SND1: variants seen among roughly 807,000 people sequenced by gnomAD.
The protein encoded by SND1 is staphylococcal nuclease domain-containing protein 1.
In SND1, 38 loss-of-function variants were observed where a neutral mutation model predicts 121.7. That is an observed-to-expected ratio of 0.31 (90% CI 0.24 to 0.41). The LOEUF (loss-of-function observed/expected upper bound fraction) is 0.41, where lower values mean the gene tolerates loss of function less well. Among genes scored for constraint, SND1 ranks in the 10% least tolerant of loss-of-function variants. SND1 has a pLI of 1.00. For synonymous variants in SND1, 401 were observed against 447.4 expected, an observed-to-expected ratio of 0.90 and a Z score of 1.31; for missense variants, 868 against 1,184.6, an observed-to-expected ratio of 0.73 and a Z score of 3.92.
chr7:127,743,388 C>A (rs1796918079), intron 10 of SND1, among the ~76,000 whole-genome samples: 1 of 152,230 alleles, frequency 6.6e-6, no homozygotes, highest in South Asian at 2.1e-4. Context: ...CAGCCCTTGT[C>A]ATTTTGCTGA....
At chr7:127,948,675 A>G (rs1801388840) in intron 15 of SND1, among the ~76,000 whole-genome samples, 1 of 152,244 alleles carries the variant, frequency 6.6e-6, no homozygotes, top group Non-Finnish European at 1.5e-5. Context: ...CTTTGGTGAT[A>G]GCACCAGAGA....
At chr7:128,081,547 T>A in intron 18 of SND1, 46 bp downstream of exon 18, 2 of 1,607,874 alleles carry the variant, frequency 1.2e-6, no homozygotes, top group Non-Finnish European at 1.7e-6. Context: ...TTGGTCCAGC[T>A]GGCGCTGCCT....
Position 127,980,174 on chromosome 7 carries a change from G to A in SND1, c.1670-10773G>A, listed in dbSNP as rs1403938628. Among the ~76,000 whole-genome samples, 7 of 15,284 alleles carry A rather than the reference G, an allele frequency of 4.6e-4. 3 individuals are homozygous for A. In the African/African-American group the frequency reaches 0.011, roughly 24 times the overall value. The allele number at this position is 15,284 out of a possible 152,430, so 10.0% of individuals were successfully genotyped here. A position where few individuals can be genotyped will look rare whatever the true frequency, so the allele number is the denominator to read the frequency against. On this transcript the variant is annotated intron_variant, in intron 15 of 23. Transcript: ENST00000354725. ...GTCGCCCAGGCTGGAGTGCAGTGGC[G>A]CAATCTCGGCTCACTGCATGCTCCG...
chr7:127,879,024 G>A (rs1294233723), intron 12 of SND1, among the ~76,000 whole-genome samples: 4 of 152,076 alleles, frequency 2.6e-5, no homozygotes, highest in Non-Finnish European at 5.9e-5. Flanking sequence ...AAAAACACTG[G>A]GTGGGAAGGG....
chr7:127,935,073 G>C (rs1326327293), intron 15 of SND1, among the ~76,000 whole-genome samples: 2 of 152,142 alleles, frequency 1.3e-5, no homozygotes, highest in African/African-American at 4.8e-5. Flanking sequence ...CTTTTATGCT[G>C]TTTATCAACT....
At chr7:128,061,388 G>A (rs894405429) in intron 16 of SND1, among the ~76,000 whole-genome samples, 3 of 152,174 alleles carry the variant, frequency 2.0e-5, no homozygotes, top group Non-Finnish European at 4.4e-5. Flanking sequence ...ACCATCAAGA[G>A]CCCCTGTCCT....
intron 16 of SND1, chr7:128,031,557 G>A (rs542147200): frequency 3.3e-5 from 5 of 150,918 alleles, no homozygotes; most frequent in African/African-American, 4.8e-5. Context: ...AAAACGGGGG[G>A]TCAGTTCTCC....
intron 15 of SND1, among the ~76,000 whole-genome samples, chr7:127,983,874 TC>T (rs1447274167): frequency 6.6e-6 from 1 of 152,146 alleles, no homozygotes; most frequent in Non-Finnish European, 1.5e-5. Flanking sequence ...CCAGTAGTCA[TC>T]CCCACACTAA....
At chr7:127,772,378 G>A (rs775406856) in intron 10 of SND1, among the ~76,000 whole-genome samples, 12 of 152,122 alleles carry the variant, frequency 7.9e-5, no homozygotes, top group African/African-American at 2.4e-4. Flanking sequence ...TGTAAATAGC[G>A]GTTGTCCCTT....
chr7:127,653,117 T>C (rs1046886282), intron 1 of SND1, among the ~76,000 whole-genome samples: 2 of 152,312 alleles, frequency 1.3e-5, no homozygotes, highest in Non-Finnish European at 1.5e-5. Context: ...GTGGTTTGGG[T>C]TGGAGCCATA....
In SND1 at chr7:128,085,827, GC is replaced by G. The variant is rs1184303137; in HGVS notation, c.2304+52del. Reference sequence around the variant, plus strand: ...GTTGGAGGGGCTATCAAACACAGCAGCCCCCGAGTCAAATCCATCTGATCTC... The same window carrying G: ...GTTGGAGGGGCTATCAAACACAGCAGCCCCGAGTCAAATCCATCTGATCTC... On this transcript the variant is annotated intron_variant, in intron 20 of 23. Coordinates refer to ENST00000354725, the MANE Select transcript of SND1 (RefSeq NM_014390.4). This position sits in a 1 kb window ranked among gnomAD's most constrained non-coding sequence, Gnocchi z 4.4. 2 of 1,504,090 alleles carry G rather than the reference GC, an allele frequency of 1.3e-6. No homozygotes were observed. The highest frequency in any genetic ancestry group is 1.9e-6 in the Non-Finnish European group (2 of 1,080,320). 93.2% of individuals were successfully genotyped at this position (1,504,090 alleles called of 1,614,324 possible).
intron 12 of SND1, among the ~76,000 whole-genome samples, chr7:127,877,577 T>G (rs1201596181): frequency 6.6e-6 from 1 of 152,008 alleles, no homozygotes. Flanking sequence ...GATTATGAAG[T>G]GACATTTCTC....
intron 15 of SND1, among the ~76,000 whole-genome samples, chr7:127,940,098 C>T (rs1334478930): frequency 2.0e-5 from 3 of 152,092 alleles, no homozygotes; most frequent in South Asian, 2.1e-4. Context: ...TACTTTAAAG[C>T]GCGTTCTGTC....
chr7:127,868,699 C>G (rs532164032), intron 12 of SND1, among the ~76,000 whole-genome samples: 5 of 152,324 alleles, frequency 3.3e-5, no homozygotes, highest in African/African-American at 1.2e-4. Context: ...TCTCAAGTTT[C>G]ATCTTACTAA....
chr7:127,966,145 C>CT lies in SND1; in HGVS notation c.1670-24795dup, dbSNP rs1170853036. Among the ~76,000 whole-genome samples the CT allele has an allele frequency of 7.3e-5, 11 of 150,896 alleles. 1 individual carries two copies. In the East Asian group the frequency reaches 1.8e-3, roughly 24 times the overall value. On this transcript the variant is annotated intron_variant, in intron 15 of 23. Transcript: ENST00000354725. ...TATTGTGTCTATTTGATTCTTCTCT[C>CT]TTTTTTTCTTTATTAGTCTTGCTAG...
At chr7:127,955,104 T>A (rs1801562203) in intron 15 of SND1, among the ~76,000 whole-genome samples, 1 of 152,204 alleles carries the variant, frequency 6.6e-6, no homozygotes, top group South Asian at 2.1e-4. Flanking sequence ...TCCTTTCTTG[T>A]TGAACAGGGC....
intron 16 of SND1, among the ~76,000 whole-genome samples, chr7:128,043,852 A>G (rs1330572146): frequency 6.0e-5 from 3 of 50,144 alleles, no homozygotes; most frequent in Non-Finnish European, 9.9e-5. Flanking sequence ...GTGTGTATAT[A>G]TATACACATA....
intron 15 of SND1, among the ~76,000 whole-genome samples, chr7:127,976,264 G>A (rs1036051680): frequency 2.6e-5 from 4 of 152,248 alleles, no homozygotes; most frequent in South Asian, 2.1e-4. Context: ...TTTCTGGCAA[G>A]CTTCCCATCC....
intron 10 of SND1, among the ~76,000 whole-genome samples, chr7:127,801,476 A>G (rs1292114258): frequency 6.6e-6 from 1 of 151,876 alleles, no homozygotes; most frequent in African/African-American, 2.4e-5. Flanking sequence ...CAGAAGAGAA[A>G]CCCCACCAAC....
Sources: gnomAD v4.1 joint callset for allele counts (sites outside exome capture counted in the v4.1 genomes callset) on GRCh38, gnomAD v4.1.1 for gene constraint, Gnocchi (gnomAD v3.1) non-coding constraint, MANE v1.5 for transcripts, NCBI Gene and HGNC (gene_info 2026-07-23, HGNC 2026-07-21) for gene names.